The following GABRB3 variants were observed in gnomAD, a reference collection of about 807,000 sequenced individuals.
GABRB3 encodes gamma-aminobutyric acid type A receptor subunit beta3.
A neutral mutation model predicts 52.1 loss-of-function variants in GABRB3; 14 were observed. The observed-to-expected ratio is 0.27, with a 90% CI of 0.18 to 0.42. GABRB3 has a LOEUF of 0.42. GABRB3 is among the 10% of genes least tolerant of loss of function. GABRB3 has a pLI of 1.00. For synonymous variants in GABRB3, 260 were observed against 232.3 expected (o/e 1.12, Z -1.08); for missense variants, 307 against 609.1 (o/e 0.50, Z 5.22).
At chr15:26,579,975 C>T (rs1169301461) in intron 6 of GABRB3, among the ~76,000 whole-genome samples, 1 of 152,238 alleles carries the variant, frequency 6.6e-6, no homozygotes, top group Non-Finnish European at 1.5e-5. Context: ...TGGTCATCCT[C>T]TTTCCTTCCT....
intron 7 of GABRB3, among the ~76,000 whole-genome samples, chr15:26,562,545 G>A (rs1890029490): frequency 6.6e-6 from 1 of 152,196 alleles, no homozygotes; most frequent in African/African-American, 2.4e-5. Flanking sequence ...ATGTACTCTG[G>A]GACGGAGCCC....
chr15:26,661,539 G>A (rs1008117330), intron 3 of GABRB3, among the ~76,000 whole-genome samples: 3 of 152,158 alleles, frequency 2.0e-5, no homozygotes, highest in Admixed American at 6.5e-5. Context: ...ACATTTACAA[G>A]GTGCTTGGGG....
rs369364757 is a variant in GABRB3 at position 26,561,196 on chromosome 15, G to A, written c.836-20C>T. The A allele has an allele frequency of 1.7e-5, 28 of 1,612,718 alleles. No individual in the cohort carries two copies. Among genetic ancestry groups the A allele is most frequent in the Non-Finnish European group, 2.3e-5 (27 of 1,180,022 alleles). ...TGATCCCTAGAAAAGAAACAAAGTG[G>A]TGAGAGGCTGAAACTTTGCCACATT... is the stretch of plus-strand genomic sequence containing the variant. On this transcript the variant is annotated intron_variant, in intron 7 of 8. Coordinates refer to ENST00000311550, the MANE Select transcript of GABRB3 (RefSeq NM_000814.6).
intron 3 of GABRB3, among the ~76,000 whole-genome samples, chr15:26,656,092 T>C (rs1887364690): frequency 2.0e-5 from 3 of 152,176 alleles, no homozygotes; most frequent in African/African-American, 7.2e-5. Flanking sequence ...CAGATACAGA[T>C]GCATATTTTC....
intron 4 of GABRB3, among the ~76,000 whole-genome samples, chr15:26,586,402 A>ACACACACACACACACC: frequency 6.7e-6 from 1 of 150,278 alleles, no homozygotes; most frequent in African/African-American, 2.5e-5. Context: ...CCCCTAACAC[A>ACACACACACACACACC]CACACACACA....
chr15:26,754,660 A>T (rs1431394393), intron 3 of GABRB3, among the ~76,000 whole-genome samples: 2 of 152,108 alleles, frequency 1.3e-5, no homozygotes, highest in African/African-American at 4.8e-5. Flanking sequence ...AATGTTACCC[A>T]TGTAGGCAAA....
chr15:26,674,456 A>AAAG (rs1254790798), intron 3 of GABRB3, among the ~76,000 whole-genome samples: 1,176 of 98,142 alleles, frequency 0.012, 29 homozygotes, highest in Middle Eastern at 0.032. Context: ...GGAAAGGAAA[A>AAAG]GAAAAGAAAA....
intron 3 of GABRB3, chr15:26,629,125 A>C: frequency 1.3e-6 from 2 of 1,524,982 alleles, no homozygotes; most frequent in African/African-American, 2.7e-5. Flanking sequence ...TTTACAGGAG[A>C]GGCTGAAGCT....
intron 3 of GABRB3, among the ~76,000 whole-genome samples, chr15:26,735,730 C>T (rs928783617): frequency 6.6e-6 from 1 of 152,114 alleles, no homozygotes; most frequent in Non-Finnish European, 1.5e-5. Context: ...AAAAGGATCG[C>T]TTGAGCCCAA....
intron 3 of GABRB3, among the ~76,000 whole-genome samples, chr15:26,687,065 C>T (rs1203116316): frequency 1.3e-5 from 2 of 152,218 alleles, no homozygotes; most frequent in Non-Finnish European, 2.9e-5. Context: ...GACCTAGGGC[C>T]TTCCCCTGCC....
chr15:26,605,267 T>G (rs1250104529), intron 4 of GABRB3, among the ~76,000 whole-genome samples: 1 of 152,154 alleles, frequency 6.6e-6, no homozygotes, highest in Non-Finnish European at 1.5e-5. Context: ...CAATAACAAC[T>G]GCTGGCAAGG....
At chr15:26,764,329 A>G (rs1010131157) in intron 3 of GABRB3, among the ~76,000 whole-genome samples, 2 of 150,658 alleles carry the variant, frequency 1.3e-5, no homozygotes, top group Non-Finnish European at 3.0e-5. Flanking sequence ...GATGTAATCA[A>G]TAGAATTCAT....
chr15:26,771,116 A>G (rs966599125), intron 3 of GABRB3, among the ~76,000 whole-genome samples: 2 of 152,198 alleles, frequency 1.3e-5, no homozygotes, highest in Non-Finnish European at 1.5e-5. Flanking sequence ...GTTTCTTCCT[A>G]TAAGATCCTT....
intron 8 of GABRB3, among the ~76,000 whole-genome samples, chr15:26,554,190 A>ATATATATATATATATATATACT (rs1567097853): frequency 3.2e-5 from 1 of 31,532 alleles, no homozygotes; most frequent in Non-Finnish European, 6.4e-5. Context: ...ATATATATAT[A>ATATATATATATATATATATACT]CTATATATAT....
intron 8 of GABRB3, among the ~76,000 whole-genome samples, chr15:26,553,232 G>A (rs919798812): frequency 3.9e-5 from 6 of 152,068 alleles, no homozygotes; most frequent in African/African-American, 1.4e-4. Context: ...CTCACTGCAA[G>A]CTTTGCCTCC....
chr15:26,743,500 T>G (rs1459078900), intron 3 of GABRB3, among the ~76,000 whole-genome samples: 1 of 152,166 alleles, frequency 6.6e-6, no homozygotes, highest in Non-Finnish European at 1.5e-5. Context: ...TGGCTACTGG[T>G]ATATATTATT....
intron 3 of GABRB3, among the ~76,000 whole-genome samples, chr15:26,632,927 C>T (rs935929804): frequency 1.3e-5 from 2 of 152,144 alleles, no homozygotes; most frequent in East Asian, 3.9e-4. Context: ...GGGCCAGTCA[C>T]CCCTGAAAGA....
chr15:26,618,123 T>G (rs1892332482), intron 4 of GABRB3, among the ~76,000 whole-genome samples: 1 of 152,078 alleles, frequency 6.6e-6, no homozygotes, highest in South Asian at 2.1e-4. Flanking sequence ...GCCATCCCCA[T>G]CAAGCTACCA....
At chr15:26,565,801 T>G (rs1444797046) in intron 7 of GABRB3, among the ~76,000 whole-genome samples, 1 of 152,192 alleles carries the variant, frequency 6.6e-6, no homozygotes, top group African/African-American at 2.4e-5. Context: ...TTTCACTAAC[T>G]ATCGCAGTGA....
Sources: gnomAD v4.1 joint callset for allele counts (sites outside exome capture counted in the v4.1 genomes callset) on GRCh38, gnomAD v4.1.1 for gene constraint, MANE v1.5 for transcripts, NCBI Gene and HGNC (gene_info 2026-07-23, HGNC 2026-07-21) for gene names.